Variants in RMC1 observed in about 807,000 individuals in gnomAD.
RMC1 encodes regulator of MON1-CCZ1 complex.
Under a neutral mutation model 95.5 loss-of-function variants are expected in RMC1, and 44 were observed. That is an observed-to-expected ratio of 0.46 (90% CI 0.36 to 0.59). The LOEUF (loss-of-function observed/expected upper bound fraction) is 0.59, where lower values mean the gene tolerates loss of function less well. Among genes scored for constraint, RMC1 ranks in the 20% least tolerant of loss-of-function variants. The pLI is 0.00. For missense variants in RMC1, 705 were observed against 819.6 expected, an observed-to-expected ratio of 0.86 and a Z score of 1.71; for synonymous variants, 320 against 303.6, an observed-to-expected ratio of 1.05 and a Z score of -0.56.
At position 23,524,436 on chromosome 18, in the gene RMC1, A is replaced by G. The variant is rs2058234703; in HGVS notation, c.1014A>G (p.Ser338=). The change falls in exon 12 of 20, where the codon TCA becomes TCG. Residue 338 remains serine, a synonymous_variant. Coordinates refer to ENST00000269221, the MANE Select transcript of RMC1 (RefSeq NM_013326.5). ...QSPVPCKLYS[S]SWIVFQPDII... ...ATTTCCTATAACATGTGGATTCTTC[A>G]TCTTGGATTGTCTTTCAACCTGACA... is the stretch of plus-strand genomic sequence containing the variant. 1 of 1,614,076 alleles carries G rather than the reference A, an allele frequency of 6.2e-7. No individual in the cohort carries two copies. Among genetic ancestry groups the G allele is most frequent in the Non-Finnish European group, 8.5e-7 (1 of 1,179,966 alleles).
At position 23,529,252 on chromosome 18, in the gene RMC1, AGT is replaced by A; in HGVS notation, c.1371_1372del (p.Gln457HisfsTer20). 1 of 1,614,072 alleles carries A rather than the reference AGT, an allele frequency of 6.2e-7. No individual in the cohort carries two copies. The highest frequency in any genetic ancestry group is 8.5e-7 in the Non-Finnish European group (1 of 1,180,030). ...GTGCGGACCCAGGCGGTGCTGGACC[AGT>A]CAGATGTGTACACCCATGTCCTGTC... On this transcript the variant is annotated frameshift_variant, in exon 15 of 20. Coordinates refer to ENST00000269221, the MANE Select transcript of RMC1 (RefSeq NM_013326.5). LOFTEE classifies it high-confidence loss of function.
chr18:23,527,080 T>C (rs2058319541), intron 13 of RMC1, among the ~76,000 whole-genome samples: 1 of 152,068 alleles, frequency 6.6e-6, no homozygotes, highest in Non-Finnish European at 1.5e-5. Flanking sequence ...CATATGTGTC[T>C]TCTTTAAGAA....
chr18:23,518,792 A>T, intron 7 of RMC1, 98 bp from the exon 8 acceptor site: 2 of 1,059,856 alleles, frequency 1.9e-6, no homozygotes, highest in Non-Finnish European at 2.8e-6. Flanking sequence ...ATACTCCATT[A>T]AGTGAATATC....
At position 23,520,281 on chromosome 18, in the gene RMC1, G is replaced by T; in HGVS notation, c.929G>T (p.Arg310Leu). 1 of 1,614,036 alleles carries T rather than the reference G, an allele frequency of 6.2e-7. No homozygotes were observed. Among genetic ancestry groups the T allele is most frequent in the Non-Finnish European group, 8.5e-7 (1 of 1,179,958 alleles). Residue 310 changes from arginine to leucine, a missense_variant, in exon 10 of 20, where the codon CGA becomes CTA. Physicochemically the swap from Arg to Leu is moderately radical, Grantham distance 102. Transcript: ENST00000269221. Reference protein sequence around the residue: ...VTFHHPVLPARSIQPYQIPIT... With the variant: ...VTFHHPVLPALSIQPYQIPIT... The stretch of plus-strand genomic sequence containing the variant: ...TTCCACCACCCCGTGCTTCCCGCTC[G>T]ATCGATCCAGCCCTATCAGATCCCC...
At chr18:23,515,465 G>C (rs747537439) in intron 5 of RMC1, among the ~76,000 whole-genome samples, 1 of 152,352 alleles carries the variant, frequency 6.6e-6, no homozygotes, top group African/African-American at 2.4e-5. Flanking sequence ...ATTTCACTTA[G>C]TGGGTTTCTT....
rs780383941 is a variant in RMC1 at position 23,530,264 on chromosome 18, T to G, written c.1635T>G (p.Pro545=). 1.2e-6 allele frequency: 2 copies of G among 1,614,240 alleles called. No homozygotes were observed. The highest frequency in any genetic ancestry group is 1.7e-6 in the Non-Finnish European group (2 of 1,180,042). ...CLLLSLESFY[P]PAHQLSLDML... is the part of the protein sequence containing the mutation. ...TGTTATCCCTAGAGAGTTTCTATCC[T>G]CCTGCTCATCAGCTATCTCTGGACA... Residue 545 remains proline (P), a synonymous_variant, in exon 18 of 20, where the codon CCT becomes CCG. Transcript: ENST00000269221.
At chr18:23,524,335 T>G in intron 11 of RMC1, 94 bp from the exon 12 acceptor site, 1 of 1,510,712 alleles carries the variant, frequency 6.6e-7, no homozygotes, top group South Asian at 1.1e-5. Flanking sequence ...TAGCGTGGAC[T>G]CAGTACATGG....
intron 5 of RMC1, 37 bp from the exon 6 acceptor site, chr18:23,515,819 T>G: frequency 6.2e-7 from 1 of 1,612,464 alleles, no homozygotes; most frequent in Non-Finnish European, 8.5e-7. Flanking sequence ...TTTGCCGTTT[T>G]TTAAATGAAG....
chr18:23,504,495 A>T (rs2057665511), intron 2 of RMC1, 48 bp downstream of exon 2: 6 of 1,500,394 alleles, frequency 4.0e-6, no homozygotes, highest in Non-Finnish European at 3.7e-6. Context: ...AAACAGAATG[A>T]TGTTTTTCTA....
intron 12 of RMC1, among the ~76,000 whole-genome samples, chr18:23,525,908 C>G (rs1260452239): frequency 1.3e-5 from 2 of 152,232 alleles, no homozygotes; most frequent in African/African-American, 2.4e-5. Flanking sequence ...TAGGCATCCA[C>G]TGTATGTAAT....
In RMC1 at chr18:23,503,582, C is replaced by CGCCCCCGGG; in HGVS notation, c.-29_-21dup. 6.7e-7 allele frequency: 1 copy of CGCCCCCGGG among 1,501,000 alleles called. No individual in the cohort carries two copies. Among genetic ancestry groups the CGCCCCCGGG allele is most frequent in the Non-Finnish European group, 9.0e-7 (1 of 1,113,366 alleles). The allele number at this position is 1,501,000 out of a possible 1,614,324, so 93.0% of individuals were successfully genotyped here. A position where few individuals can be genotyped will look rare whatever the true frequency, so the allele number is the denominator to read the frequency against. ...GCGCATCCTGCTCCACTCTGGCGACCGCCCCCGGGGCCCCCGCCGCGGGCG... is the reference window on the plus strand; with the variant it reads ...GCGCATCCTGCTCCACTCTGGCGACCGCCCCCGGGGCCCCCGGGGCCCCCGCCGCGGGCG... On this transcript the variant is annotated 5_prime_UTR_variant, in exon 1 of 20. Coordinates refer to ENST00000269221, the MANE Select transcript of RMC1 (RefSeq NM_013326.5).
chr18:23,510,615 C>T (rs2057828083), intron 5 of RMC1, among the ~76,000 whole-genome samples: 2 of 152,040 alleles, frequency 1.3e-5, no homozygotes, highest in South Asian at 4.1e-4. Context: ...CCACTGCACT[C>T]CAGCCTGGGC....
chr18:23,507,922 A>AGTATGT (rs2057754628), intron 3 of RMC1, 63 bp from the exon 4 acceptor site: 6 of 1,488,652 alleles, frequency 4.0e-6, no homozygotes, highest in Non-Finnish European at 2.8e-6. Context: ...TAGTATGCCA[A>AGTATGT]CGTAGGTTGG....
chr18:23,515,429 T>G (rs2057974729), intron 5 of RMC1, among the ~76,000 whole-genome samples: 1 of 152,210 alleles, frequency 6.6e-6, no homozygotes, highest in Non-Finnish European at 1.5e-5. Context: ...AAGTAGTAGC[T>G]GTAATAAGTA....
In RMC1 at chr18:23,506,771, G is replaced by GT. The variant is rs1271994318; in HGVS notation, c.180-198dup. 2.3e-5 allele frequency: 11 copies of GT among 470,276 alleles called. No individual in the cohort carries two copies. In the Admixed American group the frequency reaches 4.3e-4, roughly 18 times the overall value. The allele number at this position is 470,276 out of a possible 1,614,324, so 29.1% of individuals were successfully genotyped here. On this transcript the variant is annotated intron_variant, in intron 2 of 19. Coordinates refer to ENST00000269221, the MANE Select transcript of RMC1 (RefSeq NM_013326.5). ...TCAATCACTTGTTACCCATAATACT[G>GT]TAAGTTTCCCAGCAAGTTCTTTCCA...
intron 7 of RMC1, 38 bp downstream of exon 7, chr18:23,516,461 CTTTCAGTAATA>C: frequency 1.3e-6 from 2 of 1,588,196 alleles, no homozygotes; most frequent in Non-Finnish European, 1.7e-6. Context: ...CCTGTGATTG[CTTTCAGTAATA>C]TAAATAATAG....
At position 23,529,714 on chromosome 18, in the gene RMC1, T is replaced by TA; in HGVS notation, c.1494+3dup. Reference sequence around the variant, plus strand: ...AACCAGTTTCAGATTGCAGTACAGGTACCTTCAAATCATCTGGGCCCAAGT... The same window carrying TA: ...AACCAGTTTCAGATTGCAGTACAGGTAACCTTCAAATCATCTGGGCCCAAGT... On this transcript the variant is annotated splice_region_variant and intron_variant, in intron 16 of 19. Transcript: ENST00000269221. The TA allele has an allele frequency of 6.2e-7, 1 of 1,610,868 alleles. No individual in the cohort carries two copies. Among genetic ancestry groups the TA allele is most frequent in the Middle Eastern group, 1.6e-4 (1 of 6,062 alleles).
chr18:23,529,897 A>G, intron 16 of RMC1, 131 bp from the exon 17 acceptor site: 1 of 1,068,834 alleles, frequency 9.4e-7, no homozygotes, highest in Non-Finnish European at 1.4e-6. Flanking sequence ...CTTTACCTGC[A>G]TGACGAAACC....
At chr18:23,515,631 C>G (rs557755175) in intron 5 of RMC1, among the ~76,000 whole-genome samples, 1 of 152,312 alleles carries the variant, frequency 6.6e-6, no homozygotes, top group South Asian at 2.1e-4. Flanking sequence ...TGGGTTCATT[C>G]AAGCAATTCT....
Sources: allele counts gnomAD v4.1 joint callset (sites outside exome capture counted in the v4.1 genomes callset), GRCh38; gene constraint gnomAD v4.1.1; transcripts MANE v1.5; gene names NCBI Gene and HGNC (gene_info 2026-07-23, HGNC 2026-07-21).